Variants in PSD3 observed in about 807,000 individuals in gnomAD.
The protein encoded by PSD3 is PH and SEC7 domain-containing protein 3.
A neutral mutation model predicts 105.5 loss-of-function variants in PSD3; 49 were observed. The ratio of observed to expected loss-of-function variants is 0.46; its 90% CI spans 0.37 to 0.59. The LOEUF is 0.59. Ranked by LOEUF, PSD3 falls within the 20% of genes least tolerant of loss-of-function variation. The pLI is 0.00. For missense variants in PSD3, 1,561 were observed against 1,263.8 expected (o/e 1.24, Z -3.57); for synonymous variants, 557 against 457.8 (o/e 1.22, Z -2.77).
intron 1 of PSD3, among the ~76,000 whole-genome samples, chr8:18,954,130 T>C (rs77748229): frequency 0.13 from 19,401 of 152,018 alleles, 1,365 homozygotes; most frequent in Non-Finnish European, 0.17. Context: ...CCATCATAAG[T>C]TGAAAAATAT....
chr8:19,022,827 C>G (rs1256691835), intron 1 of PSD3, among the ~76,000 whole-genome samples: 1 of 149,880 alleles, frequency 6.7e-6, no homozygotes, highest in Non-Finnish European at 1.5e-5. Context: ...ATTTGACTGA[C>G]AAGGGATCCA....
At chr8:18,681,426 C>T (rs1223942054) in intron 9 of PSD3, among the ~76,000 whole-genome samples, 1 of 127,436 alleles carries the variant, frequency 7.8e-6, no homozygotes, top group Admixed American at 8.9e-5. Context: ...GGGCAACATA[C>T]TGAGACATTG....
chr8:19,055,763 C>G (rs7846416), intron 1 of PSD3, among the ~76,000 whole-genome samples: 76,409 of 152,066 alleles, frequency 0.5, 19,882 homozygotes, highest in Middle Eastern at 0.66. Flanking sequence ...ATTCACACCT[C>G]CTGCTGTGAC....
intron 10 of PSD3, among the ~76,000 whole-genome samples, chr8:18,647,854 T>C (rs1808165062): frequency 6.6e-6 from 1 of 152,104 alleles, no homozygotes; most frequent in Admixed American, 6.5e-5. Context: ...GATCTGGTTG[T>C]TTAAAGGTGT....
chr8:18,820,031 C>A (rs1321006063), intron 4 of PSD3, among the ~76,000 whole-genome samples: 1 of 152,134 alleles, frequency 6.6e-6, no homozygotes, highest in Non-Finnish European at 1.5e-5. Flanking sequence ...ATAAAAGGTA[C>A]TGAGACAAAA....
At chr8:19,049,351 G>A (rs1331464308) in intron 1 of PSD3, among the ~76,000 whole-genome samples, 1 of 152,110 alleles carries the variant, frequency 6.6e-6, no homozygotes, top group Admixed American at 6.5e-5. Flanking sequence ...GTTTGAATGA[G>A]CTCCCTGTGC....
At chr8:18,860,569 A>G (rs1357380371) in intron 4 of PSD3, among the ~76,000 whole-genome samples, 1 of 152,200 alleles carries the variant, frequency 6.6e-6, no homozygotes, top group Non-Finnish European at 1.5e-5. Context: ...AGTGAAAAAC[A>G]AGATTAAAGT....
intron 12 of PSD3, among the ~76,000 whole-genome samples, chr8:18,588,474 C>A (rs866041930): frequency 9.9e-5 from 15 of 152,166 alleles, no homozygotes; most frequent in African/African-American, 3.4e-4. Context: ...GGCTTATTCT[C>A]ATTGTAAGTA....
chr8:18,751,078 C>G (rs1324286949), intron 9 of PSD3, among the ~76,000 whole-genome samples: 1 of 152,076 alleles, frequency 6.6e-6, no homozygotes, highest in Non-Finnish European at 1.5e-5. Context: ...TGGACCTGGG[C>G]GCCGTGCAGC....
chr8:19,073,935 C>T (rs1026539584), intron 1 of PSD3, among the ~76,000 whole-genome samples: 4 of 151,958 alleles, frequency 2.6e-5, no homozygotes, highest in Non-Finnish European at 5.9e-5. Flanking sequence ...GGACTACAGG[C>T]GCCTGCCACC....
At chr8:18,765,067 G>C (rs1393550540) in intron 9 of PSD3, among the ~76,000 whole-genome samples, 1 of 152,172 alleles carries the variant, frequency 6.6e-6, no homozygotes, top group African/African-American at 2.4e-5. Flanking sequence ...ACTAGGGATT[G>C]AACACAGTTG....
chr8:18,907,081 G>A (rs1195754958), intron 2 of PSD3, among the ~76,000 whole-genome samples: 1 of 152,112 alleles, frequency 6.6e-6, no homozygotes, highest in Non-Finnish European at 1.5e-5. Context: ...ATAGTCCAAA[G>A]GTTTTAAAAA....
At chr8:18,719,692 T>A (rs1722502570) in intron 9 of PSD3, among the ~76,000 whole-genome samples, 2 of 152,252 alleles carry the variant, frequency 1.3e-5, no homozygotes, top group Admixed American at 1.3e-4. Flanking sequence ...GATCTATTCA[T>A]GGACACCTCC....
At chr8:18,619,937 T>G (rs931519707) in intron 11 of PSD3, among the ~76,000 whole-genome samples, 1 of 152,198 alleles carries the variant, frequency 6.6e-6, no homozygotes, top group Non-Finnish European at 1.5e-5. Flanking sequence ...CTTCCCTTTC[T>G]AGGCCTTTCC....
chr8:18,573,685 G>A (rs1296386451), intron 13 of PSD3, among the ~76,000 whole-genome samples: 1 of 152,146 alleles, frequency 6.6e-6, no homozygotes, highest in Non-Finnish European at 1.5e-5. Flanking sequence ...AAAGAAGCCA[G>A]ACACAAAAGA....
intron 9 of PSD3, among the ~76,000 whole-genome samples, chr8:18,657,075 TA>T (rs1808953178): frequency 6.6e-6 from 1 of 152,210 alleles, no homozygotes. Flanking sequence ...AGACTTCATT[TA>T]CTCTGAGATA....
At chr8:18,803,612 C>A (rs920832603) in intron 6 of PSD3, among the ~76,000 whole-genome samples, 5 of 151,854 alleles carry the variant, frequency 3.3e-5, no homozygotes, top group Admixed American at 3.3e-4. Flanking sequence ...AGCCTTAGAA[C>A]GGGAAGACAT....
At chr8:18,974,964 G>T (rs992998454) in intron 1 of PSD3, among the ~76,000 whole-genome samples, 9 of 152,138 alleles carry the variant, frequency 5.9e-5, no homozygotes, top group African/African-American at 2.2e-4. Flanking sequence ...ACCATGCACT[G>T]TTGCCATGGC....
intron 9 of PSD3, among the ~76,000 whole-genome samples, chr8:18,763,476 C>G (rs1806713616): frequency 6.6e-6 from 1 of 151,968 alleles, no homozygotes; most frequent in Admixed American, 6.6e-5. Flanking sequence ...ATATTTTCCC[C>G]CAGAATTCAA....
Sources: gnomAD v4.1 joint callset for allele counts (sites outside exome capture counted in the v4.1 genomes callset) on GRCh38, gnomAD v4.1.1 for gene constraint, MANE v1.5 for transcripts, NCBI Gene and HGNC (gene_info 2026-07-23, HGNC 2026-07-21) for gene names.